The following ARHGEF10L variants were observed in gnomAD, a reference collection of about 807,000 sequenced individuals.
ARHGEF10L encodes the protein rho guanine nucleotide exchange factor 10-like protein.
A neutral mutation model predicts 141.2 loss-of-function variants in ARHGEF10L; 69 were observed. The ratio of observed to expected loss-of-function variants is 0.49; its 90% CI spans 0.40 to 0.60. The LOEUF (loss-of-function observed/expected upper bound fraction) is 0.60. Among genes scored for constraint, ARHGEF10L ranks in the 20% least tolerant of loss-of-function variants. The pLI, the probability that ARHGEF10L is intolerant of heterozygous loss-of-function variation, is 0.00. For missense variants in ARHGEF10L, 1,482 were observed against 1,734.3 expected, an observed-to-expected ratio of 0.85 and a Z score of 2.58; for synonymous variants, 711 against 718.5, an observed-to-expected ratio of 0.99 and a Z score of 0.17.
At chr1:17,524,967 C>G in the ARHGEF10L span, among the ~76,000 whole-genome samples, 1 of 152,190 alleles carries the variant, frequency 6.6e-6, no homozygotes, top group Admixed American at 6.5e-5. Context: ...CAGGCCTGCT[C>G]CCATTTTTTC....
chr1:17,679,993 C>A (rs76885632), intron 26 of ARHGEF10L, among the ~76,000 whole-genome samples: 243 of 152,276 alleles, frequency 1.6e-3, no homozygotes, highest in African/African-American at 5.7e-3. Flanking sequence ...TGGTGCTCAG[C>A]GTTGAGAGTC....
chr1:17,689,154 G>T (rs907777086), intron 27 of ARHGEF10L, among the ~76,000 whole-genome samples: 1 of 152,058 alleles, frequency 6.6e-6, no homozygotes, highest in Non-Finnish European at 1.5e-5. Flanking sequence ...ACATCAGGCC[G>T]GACTCAGTCC....
intron 26 of ARHGEF10L, 29 bp from the exon 27 acceptor site, chr1:17,687,544 G>A (rs1191402528): frequency 1.2e-6 from 2 of 1,611,126 alleles, no homozygotes; most frequent in Admixed American, 1.7e-5. Flanking sequence ...GGCCCAGCCA[G>A]TATCGACACT....
intron 25 of ARHGEF10L, among the ~76,000 whole-genome samples, chr1:17,660,561 T>C (rs2062558843): frequency 1.3e-5 from 2 of 152,006 alleles, no homozygotes; most frequent in Admixed American, 6.6e-5. Context: ...GGCTGCCCTT[T>C]GGGCCCCTCT....
intron 7 of ARHGEF10L, among the ~76,000 whole-genome samples, chr1:17,611,103 G>C (rs974316120): frequency 1.3e-5 from 2 of 152,144 alleles, no homozygotes; most frequent in Non-Finnish European, 2.9e-5. Context: ...GGCCCAGCCT[G>C]GTCTACCCCC....
chr1:17,655,803 A>G, intron 23 of ARHGEF10L, 76 bp from the exon 24 acceptor site: 1 of 1,361,246 alleles, frequency 7.3e-7, no homozygotes, highest in African/African-American at 1.4e-5. Context: ...GGTCCTTGGG[A>G]AAGCAGGGGC....
intron 26 of ARHGEF10L, among the ~76,000 whole-genome samples, chr1:17,671,507 C>A (rs2063322921): frequency 6.6e-6 from 1 of 152,164 alleles, no homozygotes; most frequent in Non-Finnish European, 1.5e-5. Flanking sequence ...CTATGGCAAC[C>A]CCCTTCCCCC....
chr1:17,670,956 C>G (rs1310607731), intron 26 of ARHGEF10L, among the ~76,000 whole-genome samples: 1 of 152,264 alleles, frequency 6.6e-6, no homozygotes. Flanking sequence ...GCCACCCTGA[C>G]TGCTCCAGCC....
chr1:17,690,068 T>G (rs1194841335), intron 27 of ARHGEF10L, among the ~76,000 whole-genome samples: 1 of 152,214 alleles, frequency 6.6e-6, no homozygotes, highest in Non-Finnish European at 1.5e-5. Flanking sequence ...GTGAAATGAC[T>G]GGTCTGCTAT....
chr1:17,696,086 G>A (rs960398009), intron 28 of ARHGEF10L, among the ~76,000 whole-genome samples: 3 of 151,934 alleles, frequency 2.0e-5, no homozygotes, highest in African/African-American at 7.3e-5. Flanking sequence ...GGCGGTGTGC[G>A]CCTGTAATCC....
intron 21 of ARHGEF10L, among the ~76,000 whole-genome samples, chr1:17,643,901 C>G (rs537554748): frequency 1.1e-3 from 164 of 152,304 alleles, no homozygotes; most frequent in Non-Finnish European, 2.0e-3. Flanking sequence ...ACCGGTTAGG[C>G]TCTTGTTGGT....
At chr1:17,531,293 C>T in the ARHGEF10L span, among the ~76,000 whole-genome samples, 5 of 152,270 alleles carry the variant, frequency 3.3e-5, no homozygotes, top group South Asian at 1.0e-3. Context: ...TGCTGAGTCT[C>T]CCTTCCAAAC....
chr1:17,659,033 G>C (rs1401604629), intron 25 of ARHGEF10L, among the ~76,000 whole-genome samples: 2 of 152,118 alleles, frequency 1.3e-5, no homozygotes, highest in African/African-American at 4.8e-5. Flanking sequence ...GGCACTGGGC[G>C]TGACCCGGGG....
In ARHGEF10L at chr1:17,627,586, A is replaced by G; in HGVS notation, c.1584+83A>G. 6.7e-7 allele frequency: 1 copy of G among 1,498,990 alleles called. No homozygotes were observed. Among genetic ancestry groups the G allele is most frequent in the Non-Finnish European group, 9.0e-7 (1 of 1,111,360 alleles). The allele number at this position is 1,498,990 out of a possible 1,614,324, so 92.9% of individuals were successfully genotyped here. A position where few individuals can be genotyped will look rare whatever the true frequency, so the allele number is the denominator to read the frequency against. ...CCCGTGCCCCTGCCCCACGCCACCC[A>G]CACTAGGTGGCAGTGTTCTCTGAGG... On this transcript the variant is annotated intron_variant, in intron 15 of 28. Transcript: ENST00000361221. This position sits in a 1 kb window ranked among gnomAD's most constrained non-coding sequence, Gnocchi z 4.0.
In ARHGEF10L at chr1:17,613,178, T is replaced by TTGTC. The variant is rs1467552341; in HGVS notation, c.726+13_726+16dup. 1.2e-6 allele frequency: 2 copies of TTGTC among 1,610,340 alleles called. No individual in the cohort carries two copies. The highest frequency in any genetic ancestry group is 1.7e-6 in the Non-Finnish European group (2 of 1,177,048). ...GAAGCACAAGTACGATTGTAAGGTA[T>TTGTC]TGTCTGTCTGTCCCCTCAAGCCCTG... is the stretch of plus-strand genomic sequence containing the variant. On this transcript the variant is annotated splice_donor_region_variant and intron_variant, in intron 8 of 28. Transcript: ENST00000361221.
Position 17,658,556 on chromosome 1 carries a change from A to C in ARHGEF10L, c.2860+1848A>C, listed in dbSNP as rs113731998. The stretch of plus-strand genomic sequence containing the variant: ...TTGGCTTGTCCAGGTAGAGTGGAGG[A>C]CATGGGGTCTGAAGGCTGAGATGTT... On this transcript the variant is annotated intron_variant, in intron 25 of 28. Transcript: ENST00000361221. 8.4e-3 allele frequency among the ~76,000 whole-genome samples: 1,286 copies of C among 152,210 alleles called. 19 individuals carry two copies. The highest frequency in any genetic ancestry group is 0.03 in the African/African-American group (1,246 of 41,518).
chr1:17,567,255 A>G (rs940766179), intron 1 of ARHGEF10L, among the ~76,000 whole-genome samples: 3 of 152,182 alleles, frequency 2.0e-5, no homozygotes, highest in Non-Finnish European at 2.9e-5. Context: ...TTCCCAGGCC[A>G]CTGGCCTCTT....
chr1:17,682,810 C>T (rs540071717), intron 26 of ARHGEF10L, among the ~76,000 whole-genome samples: 55 of 152,206 alleles, frequency 3.6e-4, no homozygotes, highest in Non-Finnish European at 6.9e-4. Context: ...AGCCCCTGAC[C>T]CCACCAACCC....
chr1:17,543,902 C>A (rs563897810), intron 1 of ARHGEF10L, among the ~76,000 whole-genome samples: 1 of 151,794 alleles, frequency 6.6e-6, no homozygotes, highest in Non-Finnish European at 1.5e-5. Context: ...CCTGCCTCAG[C>A]CTCCCAAAGT....
Sources: allele counts gnomAD v4.1 joint callset (sites outside exome capture counted in the v4.1 genomes callset), GRCh38; gene constraint gnomAD v4.1.1; non-coding constraint Gnocchi (gnomAD v3.1); transcripts MANE v1.5; gene names NCBI Gene and HGNC (gene_info 2026-07-23, HGNC 2026-07-21).